The following RAB11FIP5 variants were observed in gnomAD, a reference collection of about 807,000 sequenced individuals.
RAB11FIP5 encodes rab11 family-interacting protein 5.
Under a neutral mutation model 85.1 loss-of-function variants are expected in RAB11FIP5, and 48 were observed. That is an observed-to-expected ratio of 0.56 (90% CI 0.45 to 0.72). RAB11FIP5 has a LOEUF of 0.72. Ranked by LOEUF, RAB11FIP5 falls within the 30% of genes least tolerant of loss-of-function variation. The pLI is 0.00. For missense variants in RAB11FIP5, 1,491 were observed against 1,687.0 expected, an observed-to-expected ratio of 0.88 and a Z score of 2.04; for synonymous variants, 729 against 727.3, an observed-to-expected ratio of 1.00 and a Z score of -0.04.
Position 73,080,446 on chromosome 2 carries a change from C to T in RAB11FIP5, c.2786G>A (p.Gly929Glu), listed in dbSNP as rs183505076. Residue 929 changes from glycine to glutamate, a missense_variant, in exon 4 of 6, where the codon GGG (glycine) becomes GAG (glutamate). Gly to Glu is a moderately conservative substitution (Grantham distance 98). Around this residue, in one of 3 missense-constraint regions of RAB11FIP5, gnomAD observed 1,211 missense variants for 1,338.0 expected, o/e 0.91. Coordinates refer to ENST00000486777, the MANE Select transcript of RAB11FIP5 (RefSeq NM_001371272.1). ...EKAAVGLSNR[G>E]PETEGEDASP... ...GGCATCTTCTCCCTCTGTCTCCGGCCCCCTGTTACTCAGCCCCACTGCGGC... is the reference window on the plus strand; with the variant it reads ...GGCATCTTCTCCCTCTGTCTCCGGCTCCCTGTTACTCAGCCCCACTGCGGC... 847 of 1,233,694 alleles carry T rather than the reference C, an allele frequency of 6.9e-4. 5 individuals carry two copies. In the African/African-American group the frequency reaches 0.012, roughly 18 times the overall value. The allele number at this position is 1,233,694 out of a possible 1,614,324, so 76.4% of individuals were successfully genotyped here.
intron 4 of RAB11FIP5, among the ~76,000 whole-genome samples, chr2:73,079,388 C>T (rs1027542619): frequency 3.9e-5 from 6 of 152,222 alleles, no homozygotes; most frequent in African/African-American, 1.4e-4. Context: ...TTATACCCTG[C>T]ACCTCATCAG....
intron 1 of RAB11FIP5, among the ~76,000 whole-genome samples, chr2:73,108,839 T>C (rs1439992770): frequency 2.7e-5 from 4 of 150,696 alleles, no homozygotes; most frequent in Non-Finnish European, 4.4e-5. Context: ...AGGTCAGGAG[T>C]TTGAGAACAG....
Position 73,081,929 on chromosome 2 carries a change from G to T in RAB11FIP5, c.1569-266C>A, listed in dbSNP as rs530317072. Among the ~76,000 whole-genome samples the T allele has an allele frequency of 1.3e-5, 2 of 151,970 alleles. No individual in the cohort carries two copies. Among genetic ancestry groups the T allele is most frequent in the African/African-American group, 2.4e-5 (1 of 41,362 alleles). ...TCATCTCATCTGATAGGCAGGATCCGATCCAAACCTAACCAAGTGTTCTTT... is the reference window on the plus strand; with the variant it reads ...TCATCTCATCTGATAGGCAGGATCCTATCCAAACCTAACCAAGTGTTCTTT... On this transcript the variant is annotated intron_variant, in intron 3 of 5. Coordinates refer to ENST00000486777, the MANE Select transcript of RAB11FIP5 (RefSeq NM_001371272.1). The surrounding 1 kb of genome is among the most constrained non-coding windows in gnomAD (Gnocchi z 4.2).
chr2:73,111,523 G>A (rs939480088), intron 1 of RAB11FIP5, among the ~76,000 whole-genome samples: 2 of 152,238 alleles, frequency 1.3e-5, no homozygotes, highest in African/African-American at 2.4e-5. Flanking sequence ...CAAGGCTGAA[G>A]CCTTGATCTT....
chr2:73,110,719 G>A lies in RAB11FIP5; in HGVS notation c.431+1628C>T, dbSNP rs542358464. 2.6e-5 allele frequency among the ~76,000 whole-genome samples: 4 copies of A among 152,272 alleles called. No individual in the cohort carries two copies. The East Asian group carries it at 7.7e-4, about 29-fold the overall frequency. On this transcript the variant is annotated intron_variant, in intron 1 of 5. Transcript: ENST00000486777. ...GATCCAGAGGCCAAGAGGAAAGCAA[G>A]GGCAGGAACTGGAAAAAACAATCAA...
chr2:73,100,994 A>C (rs1444208725), intron 1 of RAB11FIP5, among the ~76,000 whole-genome samples: 1 of 145,984 alleles, frequency 6.9e-6, no homozygotes, highest in Non-Finnish European at 1.5e-5. Flanking sequence ...CTGGAGAGAT[A>C]ATCATCAATG....
At chr2:73,094,083 T>C (rs1684273909) in intron 1 of RAB11FIP5, among the ~76,000 whole-genome samples, 1 of 142,544 alleles carries the variant, frequency 7.0e-6, no homozygotes. Flanking sequence ...ATTATATCAC[T>C]GCACTCCAGC....
Position 73,089,079 on chromosome 2 carries a change from C to T in RAB11FIP5, c.668G>A (p.Gly223Asp). 1.9e-6 allele frequency: 3 copies of T among 1,614,168 alleles called. No individual in the cohort carries two copies. The highest frequency in any genetic ancestry group is 2.5e-6 in the Non-Finnish European group (3 of 1,180,022). The change falls in exon 2 of 6, where the codon GGC becomes GAC. Residue 223 changes from glycine to aspartate, a missense_variant. By Grantham distance (94) the Gly-to-Asp change is moderately conservative. Coordinates refer to ENST00000486777, the MANE Select transcript of RAB11FIP5 (RefSeq NM_001371272.1). The surrounding 1 kb of genome is among the most constrained non-coding windows in gnomAD (Gnocchi z 4.6). ...PSSAIEDPDLGSLGKMGKAKG... is the reference protein window; with the variant it reads ...PSSAIEDPDLDSLGKMGKAKG... ...GGCTTTGCCCATCTTGCCCAGGCTG[C>T]CCAGGTCAGGATCCTCTATGGCGCT...
intron 4 of RAB11FIP5, among the ~76,000 whole-genome samples, chr2:73,079,035 G>C (rs144282122): frequency 6.6e-6 from 1 of 152,218 alleles, no homozygotes; most frequent in Admixed American, 6.5e-5. Context: ...ACTGCTGCGC[G>C]TGGGGAACCT....
intron 1 of RAB11FIP5, among the ~76,000 whole-genome samples, chr2:73,090,275 G>A (rs1684184405): frequency 1.3e-5 from 2 of 152,130 alleles, no homozygotes; most frequent in Admixed American, 1.3e-4. Flanking sequence ...CAACACACAT[G>A]GCCACCACAC....
In RAB11FIP5 at chr2:73,080,460, C is replaced by G; in HGVS notation, c.2772G>C (p.Gly924=). ...CTGTCTCCGGCCCCCTGTTACTCAGCCCCACTGCGGCCTTCTCCTCCTCCT... is the reference window on the plus strand; with the variant it reads ...CTGTCTCCGGCCCCCTGTTACTCAGGCCCACTGCGGCCTTCTCCTCCTCCT... The part of the protein sequence containing the change: ...QEEEEEKAAV[G]LSNRGPETEG... Residue 924 remains glycine (G), a synonymous_variant, in exon 4 of 6, where the codon GGG becomes GGC. Transcript: ENST00000486777. The G allele has an allele frequency of 1.6e-6, 2 of 1,233,834 alleles. No individual in the cohort carries two copies. Among genetic ancestry groups the G allele is most frequent in the Non-Finnish European group, 2.0e-6 (2 of 988,934 alleles). The allele number at this position is 1,233,834 out of a possible 1,614,324, so 76.4% of individuals were successfully genotyped here. A position where few individuals can be genotyped will look rare whatever the true frequency, so the allele number is the denominator to read the frequency against.
In RAB11FIP5 at chr2:73,075,874, G is replaced by A. The variant is rs1476642553; in HGVS notation, c.3771+119C>T. On this transcript the variant is annotated intron_variant, in intron 5 of 5. Transcript: ENST00000486777. This position sits in a 1 kb window ranked among gnomAD's most constrained non-coding sequence, Gnocchi z 4.6. ...TGTCTCCAAAGTCAGAGCCTAACTGGCTTCAGGACTCTGATATGGGGGACC... is the reference window on the plus strand; with the variant it reads ...TGTCTCCAAAGTCAGAGCCTAACTGACTTCAGGACTCTGATATGGGGGACC... 17 of 1,447,514 alleles carry A rather than the reference G, an allele frequency of 1.2e-5. No individual in the cohort carries two copies. Among genetic ancestry groups the A allele is most frequent in the Non-Finnish European group, 1.4e-5 (15 of 1,061,378 alleles). 89.7% of individuals were successfully genotyped at this position (1,447,514 alleles called of 1,614,324 possible). A position where few individuals can be genotyped will look rare whatever the true frequency, so the allele number is the denominator to read the frequency against.
At chr2:73,092,671 C>G (rs1488010090) in intron 1 of RAB11FIP5, among the ~76,000 whole-genome samples, 7 of 152,196 alleles carry the variant, frequency 4.6e-5, no homozygotes, top group East Asian at 1.9e-4. Context: ...AGCCCTCCCC[C>G]ACAGGGAATT....
At chr2:73,112,251 C>G in intron 1 of RAB11FIP5, 96 bp downstream of exon 1, 2 of 1,316,818 alleles carry the variant, frequency 1.5e-6, no homozygotes, top group Non-Finnish European at 9.9e-7. Flanking sequence ...GAGGCAAGGG[C>G]TCACTGGCCC....
chr2:73,089,457 C>T lies in RAB11FIP5; in HGVS notation c.432-142G>A, dbSNP rs752704733. On this transcript the variant is annotated intron_variant, in intron 1 of 5. Transcript: ENST00000486777. This position sits in a 1 kb window ranked among gnomAD's most constrained non-coding sequence, Gnocchi z 4.6. ...CCCAAAGGCTCCTGCTCTGACCCAT[C>T]GGCCTGGGCTTCCAGGCTTCAGATG... The T allele has an allele frequency of 1.3e-5, 11 of 850,024 alleles. No homozygotes were observed. The highest frequency in any genetic ancestry group is 2.4e-5 in the East Asian group (1 of 41,368). 52.7% of individuals were successfully genotyped at this position (850,024 alleles called of 1,614,324 possible). A position where few individuals can be genotyped will look rare whatever the true frequency, so the allele number is the denominator to read the frequency against.
rs1683960198 is a variant in RAB11FIP5, at chr2:73,080,772, A to T, written c.2460T>A (p.Asn820Lys). 8.1e-7 allele frequency: 1 copy of T among 1,232,264 alleles called. No individual in the cohort carries two copies. Among genetic ancestry groups the T allele is most frequent in the African/African-American group, 1.6e-5 (1 of 64,342 alleles). 76.3% of individuals were successfully genotyped at this position (1,232,264 alleles called of 1,614,324 possible). Residue 820 changes from asparagine (N) to lysine (K), a missense_variant, in exon 4 of 6, where the codon AAT (asparagine) becomes AAA (lysine). Physicochemically the swap from Asn to Lys is moderately conservative, Grantham distance 94. This residue lies in a region of RAB11FIP5 where 1,211 missense variants were observed against 1,338.0 expected (regional missense o/e 0.91). Transcript: ENST00000486777. ...GQDDESSRGE[N>K]QLCPDVETAD... ...CTGTCTCGACGTCAGGGCAAAGCTG[A>T]TTTTCGCCTCGGGAGGACTCATCGT...
At chr2:73,094,807 C>T (rs1684286259) in intron 1 of RAB11FIP5, among the ~76,000 whole-genome samples, 1 of 152,128 alleles carries the variant, frequency 6.6e-6, no homozygotes, top group Non-Finnish European at 1.5e-5. Context: ...AGGACTGACC[C>T]TAGAAATACT....
At chr2:73,111,582 C>A (rs1378012315) in intron 1 of RAB11FIP5, among the ~76,000 whole-genome samples, 1 of 152,250 alleles carries the variant, frequency 6.6e-6, no homozygotes, top group Non-Finnish European at 1.5e-5. Context: ...TAAAAAAACC[C>A]TGGCCCACTG....
At chr2:73,077,809 T>C (rs921089257) in intron 4 of RAB11FIP5, among the ~76,000 whole-genome samples, 2 of 152,184 alleles carry the variant, frequency 1.3e-5, no homozygotes, top group Non-Finnish European at 2.9e-5. Context: ...TAACATAAAC[T>C]GCATCAGGCT....
Sources: gnomAD v4.1 joint callset for allele counts (sites outside exome capture counted in the v4.1 genomes callset) on GRCh38, gnomAD v4.1.1 for gene constraint, gnomAD v4.1.1 regional missense constraint, Gnocchi (gnomAD v3.1) non-coding constraint, MANE v1.5 for transcripts, NCBI Gene and HGNC (gene_info 2026-07-23, HGNC 2026-07-21) for gene names.